Variants in RASGRF1 observed in about 807,000 individuals in gnomAD.
The protein encoded by RASGRF1 is ras-specific guanine nucleotide-releasing factor 1.
In RASGRF1, 40 loss-of-function variants were observed where a neutral mutation model predicts 138.7. That is an observed-to-expected ratio of 0.29 (90% confidence interval 0.22 to 0.38). RASGRF1 has a LOEUF of 0.38. RASGRF1 is among the 10% of genes least tolerant of loss of function. The pLI, the probability that RASGRF1 is intolerant of heterozygous loss-of-function variation, is 1.00. For missense variants in RASGRF1, 1,108 were observed against 1,650.4 expected, an observed-to-expected ratio of 0.67 and a Z score of 5.69; for synonymous variants, 614 against 663.2, an observed-to-expected ratio of 0.93 and a Z score of 1.14.
At chr15:79,012,434 C>T (rs1265624621) in intron 13 of RASGRF1, 75 of 1,267,038 alleles carry the variant, frequency 5.9e-5, no homozygotes, top group Non-Finnish European at 7.9e-5. Context: ...AATAATCTCT[C>T]TATGTCTCTC....
chr15:78,990,174 C>T lies in RASGRF1; in HGVS notation c.3216+15G>A. ...GAAAAACCCCAGTGAGAGAGGCGCT[C>T]CCATCCATACTCACGTCATTGAAGT... On this transcript the variant is annotated intron_variant, in intron 22 of 26. Coordinates refer to ENST00000558480, the MANE Select transcript of RASGRF1 (RefSeq NM_001145648.3). 1 of 1,562,028 alleles carries T rather than the reference C, an allele frequency of 6.4e-7. No individual in the cohort carries two copies. Among genetic ancestry groups the T allele is most frequent in the South Asian group, 1.1e-5 (1 of 90,012 alleles).
chr15:78,990,681 C>T (rs965464042), intron 21 of RASGRF1, among the ~76,000 whole-genome samples: 1 of 152,056 alleles, frequency 6.6e-6, no homozygotes, highest in Non-Finnish European at 1.5e-5. Flanking sequence ...AATAGAAGGC[C>T]CTAAAAGGGG....
In RASGRF1 at chr15:78,960,750, A is replaced by G. The variant is rs1196919941; in HGVS notation, c.*1394T>C. On this transcript the variant is annotated 3_prime_UTR_variant, in exon 27 of 27. Transcript: ENST00000558480. ...TGGCTTGTTCTTGGTGCAATAGGCA[A>G]CTGAAACAGTCTTCCCCACCAAACT... 6.6e-6 allele frequency: 1 copy of G among 152,200 alleles called. No homozygotes were observed. The highest frequency in any genetic ancestry group is 1.5e-5 in the Non-Finnish European group (1 of 68,042). 9.4% of individuals were successfully genotyped at this position (152,200 alleles called of 1,614,324 possible).
At position 79,064,459 on chromosome 15, in the gene RASGRF1, T is replaced by G. The variant is rs2057649664; in HGVS notation, c.344A>C (p.Lys115Thr). 2.5e-6 allele frequency: 4 copies of G among 1,614,084 alleles called. No homozygotes were observed. In the African/African-American group the frequency reaches 5.3e-5, roughly 22 times the overall value. The change falls in exon 2 of 27, where the codon AAA becomes ACA. Residue 115 changes from lysine (K) to threonine (T), a missense_variant. Lys to Thr is a moderately conservative substitution (Grantham distance 78). Transcript: ENST00000558480. ...KALELRTEDA[K>T]DCDEWVAAIA... ...GGCTGCCACCCATTCGTCACAATCT[T>G]TTGCGTCCTCTGTCCTCAGCTCCAA...
chr15:79,020,595 G>T (rs1028532103), intron 10 of RASGRF1, among the ~76,000 whole-genome samples: 2 of 152,206 alleles, frequency 1.3e-5, no homozygotes, highest in Non-Finnish European at 2.9e-5. Context: ...TTCAAGGTCC[G>T]CTGGCAAGTT....
At position 78,977,816 on chromosome 15, in the gene RASGRF1, G is replaced by A. The variant is rs116636605; in HGVS notation, c.3494+2804C>T. On this transcript the variant is annotated intron_variant, in intron 24 of 26. Coordinates refer to ENST00000558480, the MANE Select transcript of RASGRF1 (RefSeq NM_001145648.3). Reference sequence around the variant, plus strand: ...GGTGCAGATATGCAAGTGTGTGCTCGGTTGAGATTAGACAGGGTAGTCAAA... The same window carrying A: ...GGTGCAGATATGCAAGTGTGTGCTCAGTTGAGATTAGACAGGGTAGTCAAA... 5.2e-3 allele frequency among the ~76,000 whole-genome samples: 796 copies of A among 152,306 alleles called. 9 individuals are homozygous for A. The highest frequency in any genetic ancestry group is 0.018 in the African/African-American group (746 of 41,560).
Position 79,090,208 on chromosome 15 carries a change from C to T in RASGRF1, c.276+15G>A, listed in dbSNP as rs759707025. 1 of 1,586,492 alleles carries T rather than the reference C, an allele frequency of 6.3e-7. No homozygotes were observed. Among genetic ancestry groups the T allele is most frequent in the Non-Finnish European group, 8.5e-7 (1 of 1,169,796 alleles). On this transcript the variant is annotated intron_variant, in intron 1 of 26. Coordinates refer to ENST00000558480, the MANE Select transcript of RASGRF1 (RefSeq NM_001145648.3). ...GCCGGGACGCAGGGAGGTCAGGACG[C>T]GACGCTCGCCTCACCTGTTTCTCCA...
chr15:78,962,766 C>CA (rs2055572511), intron 26 of RASGRF1, among the ~76,000 whole-genome samples: 1 of 152,058 alleles, frequency 6.6e-6, no homozygotes, highest in African/African-American at 2.4e-5. Context: ...ACCTGTGGTT[C>CA]CAGTTACATG....
At chr15:78,993,964 G>C (rs939795886) in intron 20 of RASGRF1, among the ~76,000 whole-genome samples, 2 of 152,170 alleles carry the variant, frequency 1.3e-5, no homozygotes, top group Non-Finnish European at 2.9e-5. Flanking sequence ...TGAGGCCGCG[G>C]GGCCCTCTCA....
intron 20 of RASGRF1, among the ~76,000 whole-genome samples, chr15:78,992,389 A>G (rs2056289413): frequency 6.6e-6 from 1 of 152,194 alleles, no homozygotes; most frequent in Admixed American, 6.5e-5. Flanking sequence ...GGATTCCACT[A>G]TTTGGGCCCT....
chr15:79,089,229 T>TATGG (rs2058020508), intron 1 of RASGRF1, among the ~76,000 whole-genome samples: 1 of 152,228 alleles, frequency 6.6e-6, no homozygotes, highest in Non-Finnish European at 1.5e-5. Flanking sequence ...CGTTAGGCCC[T>TATGG]ATGGATGGAA....
chr15:79,065,636 C>T (rs554246236), intron 1 of RASGRF1, among the ~76,000 whole-genome samples: 19 of 151,912 alleles, frequency 1.3e-4, no homozygotes, highest in Middle Eastern at 3.4e-3. Context: ...GCTGGGGGCC[C>T]AGCCTGGGCC....
At chr15:79,025,818 G>A (rs1382999974) in intron 9 of RASGRF1, among the ~76,000 whole-genome samples, 1 of 151,976 alleles carries the variant, frequency 6.6e-6, no homozygotes, top group East Asian at 1.9e-4. Context: ...GTGGGGAGCT[G>A]GCTGCAGGCC....
intron 3 of RASGRF1, among the ~76,000 whole-genome samples, chr15:79,049,797 G>A (rs766938796): frequency 5.9e-5 from 9 of 152,126 alleles, no homozygotes; most frequent in Non-Finnish European, 1.0e-4. Flanking sequence ...AGCGCTGCAC[G>A]GGGGATGGGT....
intron 3 of RASGRF1, among the ~76,000 whole-genome samples, chr15:79,053,591 A>G (rs1382244743): frequency 6.6e-6 from 1 of 152,240 alleles, no homozygotes; most frequent in East Asian, 1.9e-4. Flanking sequence ...CTGGTAATGA[A>G]AGAGAAGTCC....
chr15:78,989,887 C>A (rs76595234), intron 22 of RASGRF1, among the ~76,000 whole-genome samples: 24 of 152,324 alleles, frequency 1.6e-4, no homozygotes, highest in Non-Finnish European at 4.4e-5. Flanking sequence ...GAGTAACCCC[C>A]ACTTAGGAAT....
chr15:79,027,711 G>A lies in RASGRF1; in HGVS notation c.1381+30C>T, dbSNP rs750500991. The stretch of plus-strand genomic sequence containing the variant: ...CCGCTGCTGGGGCCCACCTGGTGGG[G>A]GCAGGGGAGACAGGGTGCAGAGGCC... On this transcript the variant is annotated intron_variant, in intron 9 of 26. Transcript: ENST00000558480. This position sits in a 1 kb window ranked among gnomAD's most constrained non-coding sequence, Gnocchi z 4.8. 4 of 1,606,718 alleles carry A rather than the reference G, an allele frequency of 2.5e-6. No individual in the cohort carries two copies. Among genetic ancestry groups the A allele is most frequent in the Non-Finnish European group, 3.4e-6 (4 of 1,173,550 alleles).
At position 79,085,584 on chromosome 15, in the gene RASGRF1, A is replaced by G. The variant is rs886065760; in HGVS notation, c.276+4639T>C. 1.6e-4 allele frequency among the ~76,000 whole-genome samples: 24 copies of G among 152,156 alleles called. 1 individual carries two copies. The highest frequency in any genetic ancestry group is 5.8e-4 in the African/African-American group (24 of 41,418). ...TTGGCTGAGAGGTTGAATGTGCTAT[A>G]ACTCCAAGGAGTATGTGCTTTATGG... On this transcript the variant is annotated intron_variant, in intron 1 of 26. Transcript: ENST00000558480.
chr15:79,060,460 G>C (rs986337237), intron 2 of RASGRF1, among the ~76,000 whole-genome samples: 1 of 152,194 alleles, frequency 6.6e-6, no homozygotes, highest in Admixed American at 6.5e-5. Flanking sequence ...CTCCTTTATT[G>C]AGGAGGAAGG....
Sources: gnomAD v4.1 joint callset for allele counts (sites outside exome capture counted in the v4.1 genomes callset) on GRCh38, gnomAD v4.1.1 for gene constraint, Gnocchi (gnomAD v3.1) non-coding constraint, MANE v1.5 for transcripts, NCBI Gene and HGNC (gene_info 2026-07-23, HGNC 2026-07-21) for gene names.